Variants in CNTNAP2 observed in about 807,000 individuals in gnomAD.
The protein encoded by CNTNAP2 is contactin associated protein 2, also known as contactin-associated protein-like 2.
Under a neutral mutation model 155.2 loss-of-function variants are expected in CNTNAP2, and 98 were observed. That is an observed-to-expected ratio of 0.63 (90% CI 0.54 to 0.75). The LOEUF is 0.75. Ranked by LOEUF, CNTNAP2 falls within the 30% of genes least tolerant of loss-of-function variation. The probability of loss-of-function intolerance (pLI) is 0.00; values close to 1 mark genes in which losing one functional copy is unlikely to be tolerated. For missense variants in CNTNAP2, 1,727 were observed against 1,688.1 expected (o/e 1.02, Z -0.40); for synonymous variants, 651 against 631.2 (o/e 1.03, Z -0.47).
At chr7:147,398,811 T>A (rs1348368661) in intron 10 of CNTNAP2, among the ~76,000 whole-genome samples, 2 of 149,174 alleles carry the variant, frequency 1.3e-5, no homozygotes, top group Non-Finnish European at 3.0e-5. Flanking sequence ...TATTGAAAAT[T>A]CTAAGCTGAC....
In CNTNAP2 at chr7:148,053,556, G is replaced by A. The variant is rs531224333; in HGVS notation, c.2384-64562G>A. On this transcript the variant is annotated intron_variant, in intron 15 of 23. Coordinates refer to ENST00000361727, the MANE Select transcript of CNTNAP2 (RefSeq NM_014141.6). ...TCCTGCCAATTTTGTGAAAACTTAC[G>A]CTCATTATCTAGATTTTTGTTTGTA... is the stretch of plus-strand genomic sequence containing the variant. Among the ~76,000 whole-genome samples the A allele has an allele frequency of 3.3e-5, 5 of 152,140 alleles. No homozygotes were observed. In the South Asian group the frequency reaches 8.3e-4, roughly 25 times the overall value.
chr7:148,178,931 T>C (rs1036277305), intron 18 of CNTNAP2, among the ~76,000 whole-genome samples: 1 of 152,232 alleles, frequency 6.6e-6, no homozygotes, highest in African/African-American at 2.4e-5. Context: ...TCGGTGATCC[T>C]TGAGTATTGG....
At chr7:147,029,027 G>T (rs376675894) in intron 3 of CNTNAP2, among the ~76,000 whole-genome samples, 23 of 146,952 alleles carry the variant, frequency 1.6e-4, no homozygotes, top group African/African-American at 5.3e-4. Flanking sequence ...GCAGTGGTGC[G>T]ATCTCGGCTC....
intron 13 of CNTNAP2, among the ~76,000 whole-genome samples, chr7:147,813,891 T>G (rs1303485349): frequency 6.6e-6 from 1 of 152,276 alleles, no homozygotes; most frequent in Non-Finnish European, 1.5e-5. Context: ...TAAAAGAATA[T>G]TATAGTTCCT....
intron 11 of CNTNAP2, among the ~76,000 whole-genome samples, chr7:147,548,056 T>A (rs2116758869): frequency 6.6e-6 from 1 of 152,312 alleles, no homozygotes; most frequent in South Asian, 2.1e-4. Flanking sequence ...TAAATAGTGC[T>A]GCAGTAAACA....
chr7:147,586,952 T>C (rs900384700), intron 12 of CNTNAP2, among the ~76,000 whole-genome samples: 2 of 152,168 alleles, frequency 1.3e-5, no homozygotes, highest in African/African-American at 4.8e-5. Flanking sequence ...TTTTAAAATC[T>C]AGTGACACTT....
At chr7:148,186,246 A>T (rs1400223595) in intron 18 of CNTNAP2, among the ~76,000 whole-genome samples, 1 of 152,248 alleles carries the variant, frequency 6.6e-6, no homozygotes, top group Non-Finnish European at 1.5e-5. Context: ...CAGGCACTGA[A>T]CTAAGTGTGT....
chr7:146,824,234 G>C (rs1023099166), intron 2 of CNTNAP2, among the ~76,000 whole-genome samples: 7 of 152,204 alleles, frequency 4.6e-5, no homozygotes, highest in Admixed American at 1.3e-4. Flanking sequence ...TTTTATGGCT[G>C]CATAGTATTC....
At chr7:146,731,416 AT>A (rs1379859190) in intron 1 of CNTNAP2, among the ~76,000 whole-genome samples, 1 of 151,654 alleles carries the variant, frequency 6.6e-6, no homozygotes, top group Non-Finnish European at 1.5e-5. Flanking sequence ...ATTTTTATAT[AT>A]TTTTATTTTA....
intron 18 of CNTNAP2, among the ~76,000 whole-genome samples, chr7:148,182,118 G>A (rs1795048950): frequency 6.6e-6 from 1 of 151,992 alleles, no homozygotes. Flanking sequence ...TTTTTCCTGA[G>A]TGTTTTATTT....
At chr7:147,976,545 C>T (rs1801428605) in intron 14 of CNTNAP2, among the ~76,000 whole-genome samples, 1 of 152,046 alleles carries the variant, frequency 6.6e-6, no homozygotes, top group Non-Finnish European at 1.5e-5. Flanking sequence ...TTTTAAAAAC[C>T]CTTCATTTTG....
intron 2 of CNTNAP2, among the ~76,000 whole-genome samples, chr7:146,797,384 T>A (rs960857318): frequency 9.2e-5 from 14 of 152,146 alleles, no homozygotes; most frequent in African/African-American, 3.4e-4. Context: ...CACCTTGATA[T>A]CATGTGGGGC....
At chr7:146,838,352 C>CT (rs761447256) in intron 2 of CNTNAP2, among the ~76,000 whole-genome samples, 4 of 152,176 alleles carry the variant, frequency 2.6e-5, no homozygotes, top group Non-Finnish European at 4.4e-5. Flanking sequence ...GAGTCCCACT[C>CT]TGTCACTCAA....
At chr7:147,990,073 A>G (rs2710079) in intron 15 of CNTNAP2, among the ~76,000 whole-genome samples, 42,345 of 152,054 alleles carry the variant, frequency 0.28, 6,754 homozygotes, top group African/African-American at 0.44. Context: ...GGTTGCTACT[A>G]TTCTTTCAGG....
intron 8 of CNTNAP2, among the ~76,000 whole-genome samples, chr7:147,145,458 T>C (rs1456064065): frequency 1.3e-5 from 2 of 152,106 alleles, no homozygotes; most frequent in African/African-American, 2.4e-5. Context: ...AAAGGTTTAT[T>C]TGTCACCAAA....
At chr7:146,444,614 A>G (rs965161400) in intron 1 of CNTNAP2, among the ~76,000 whole-genome samples, 1 of 151,548 alleles carries the variant, frequency 6.6e-6, no homozygotes, top group Non-Finnish European at 1.5e-5. Context: ...GGATTACATG[A>G]CATTTTCCAA....
chr7:147,565,222 A>G (rs998238372), intron 12 of CNTNAP2, among the ~76,000 whole-genome samples: 16 of 152,190 alleles, frequency 1.1e-4, no homozygotes, highest in Admixed American at 8.5e-4. Flanking sequence ...CCAGGGCACA[A>G]GAGAGATTGG....
intron 1 of CNTNAP2, among the ~76,000 whole-genome samples, chr7:146,288,227 G>A (rs957025066): frequency 6.6e-6 from 1 of 151,292 alleles, no homozygotes; most frequent in African/African-American, 2.4e-5. Flanking sequence ...GGACCTGGGA[G>A]GCCGAGGCTA....
At chr7:146,254,109 C>T (rs960775723) in intron 1 of CNTNAP2, among the ~76,000 whole-genome samples, 2 of 147,468 alleles carry the variant, frequency 1.4e-5, no homozygotes, top group African/African-American at 2.6e-5. Context: ...TTTGGATGTT[C>T]AGTGTATTCA....
Sources: gnomAD v4.1 joint callset for allele counts (sites outside exome capture counted in the v4.1 genomes callset) on GRCh38, gnomAD v4.1.1 for gene constraint, MANE v1.5 for transcripts, NCBI Gene and HGNC (gene_info 2026-07-23, HGNC 2026-07-21) for gene names.